Variants in KCNN2 observed in about 807,000 individuals in gnomAD.
KCNN2 encodes the protein small conductance calcium-activated potassium channel protein 2.
Under a neutral mutation model 55.5 loss-of-function variants are expected in KCNN2, and 24 were observed. That is an observed-to-expected ratio of 0.43 (90% CI 0.31 to 0.61). KCNN2 has a LOEUF of 0.61. KCNN2 is among the 20% of genes least tolerant of loss of function. KCNN2 has a pLI of 0.08. For missense variants in KCNN2, 754 were observed against 853.6 expected (o/e 0.88, Z 1.45); for synonymous variants, 431 against 336.1 (o/e 1.28, Z -3.09).
At chr5:114,157,890 A>G (rs1752673308) in intron 1 of KCNN2, among the ~76,000 whole-genome samples, 1 of 149,694 alleles carries the variant, frequency 6.7e-6, no homozygotes, top group Non-Finnish European at 1.5e-5. Context: ...TTCATTGTAG[A>G]TTCTGGATAT....
At chr5:114,219,556 T>C (rs575723105) in intron 1 of KCNN2, among the ~76,000 whole-genome samples, 1 of 152,220 alleles carries the variant, frequency 6.6e-6, no homozygotes, top group African/African-American at 2.4e-5. Context: ...TCAGGTTGCT[T>C]CTCTCCAATG....
upstream of KCNN2, among the ~76,000 whole-genome samples, chr5:114,357,274 T>A (rs1561583426): frequency 6.6e-6 from 1 of 151,612 alleles, no homozygotes; most frequent in Non-Finnish European, 1.5e-5. Flanking sequence ...AAATAAGGGA[T>A]TGGAGTGCAA....
At chr5:114,443,084 A>T (rs1335974254) in intron 3 of KCNN2, among the ~76,000 whole-genome samples, 13 of 152,088 alleles carry the variant, frequency 8.5e-5, no homozygotes, top group Non-Finnish European at 1.6e-4. Context: ...CGAGGTCAGG[A>T]GTTTGAGACC....
chr5:114,240,330 A>G (rs1238532468), intron 2 of KCNN2, among the ~76,000 whole-genome samples: 3 of 151,966 alleles, frequency 2.0e-5, no homozygotes, highest in Non-Finnish European at 2.9e-5. Flanking sequence ...TAAAATAAGA[A>G]TAGATGGAAA....
intron 3 of KCNN2, among the ~76,000 whole-genome samples, chr5:114,427,927 C>T (rs776691307): frequency 6.6e-6 from 1 of 152,154 alleles, no homozygotes; most frequent in African/African-American, 2.4e-5. Flanking sequence ...CTTATATTTA[C>T]TGTGCTTCTA....
chr5:114,363,966 G>T lies in KCNN2; in HGVS notation c.1183G>T (p.Gly395Cys), dbSNP rs752708600. 5 of 1,613,960 alleles carry T rather than the reference G, an allele frequency of 3.1e-6. No individual in the cohort carries two copies. Among genetic ancestry groups the T allele is most frequent in the Admixed American group, 3.3e-5 (2 of 60,016 alleles). The stretch of plus-strand genomic sequence containing the variant: ...CAGTCTCTCCACGATCATCCTGCTC[G>T]GTCTGATCATCGTGTACCACGCCAG... ...LISLSTIILLGLIIVYHAREI... is the reference protein window; with the variant it reads ...LISLSTIILLCLIIVYHAREI... The change falls in exon 2 of 8, where the codon GGT becomes TGT. Residue 395 changes from glycine (G) to cysteine (C), a missense_variant. Physicochemically the swap from Gly to Cys is radical, Grantham distance 159. Around this residue, in one of 4 missense-constraint regions of KCNN2, gnomAD observed 123 missense variants for 204.9 expected, o/e 0.60. Transcript: ENST00000673685.
chr5:114,240,190 C>T (rs562220003), intron 2 of KCNN2, among the ~76,000 whole-genome samples: 111 of 152,004 alleles, frequency 7.3e-4, no homozygotes, highest in Admixed American at 1.0e-3. Flanking sequence ...ACTCAGTTTA[C>T]ATGGTTTAAC....
At chr5:114,253,495 A>T (rs1754919968) in intron 2 of KCNN2, 1 of 152,388 alleles carries the variant, frequency 6.6e-6, no homozygotes, top group Admixed American at 6.5e-5. Context: ...TGGAAATGAT[A>T]CTTTAAGGGA....
chr5:114,111,250 A>G (rs1383121302), intron 1 of KCNN2, among the ~76,000 whole-genome samples: 1 of 152,192 alleles, frequency 6.6e-6, no homozygotes, highest in Non-Finnish European at 1.5e-5. Flanking sequence ...TCTTTAATAA[A>G]TGGTGCTGGA....
At chr5:114,277,781 A>T (rs1755522190) in intron 2 of KCNN2, among the ~76,000 whole-genome samples, 3 of 152,122 alleles carry the variant, frequency 2.0e-5, no homozygotes, top group Non-Finnish European at 4.4e-5. Flanking sequence ...ATGGGTTAGA[A>T]CATGCTCCTT....
Position 114,402,402 on chromosome 5 carries a change from G to C in KCNN2, c.1219-2036G>C, listed in dbSNP as rs139945285. ...CTAGAGTAGGCATGGAGCCAGCCCTGGTTCTCTTTGTTTGGGTGTTTTGTT... is the reference window on the plus strand; with the variant it reads ...CTAGAGTAGGCATGGAGCCAGCCCTCGTTCTCTTTGTTTGGGTGTTTTGTT... On this transcript the variant is annotated intron_variant, in intron 2 of 7. Transcript: ENST00000673685. Among the ~76,000 whole-genome samples the C allele has an allele frequency of 6.5e-4, 99 of 152,238 alleles. 2 individuals carry two copies. The East Asian group carries it at 0.018, about 28-fold the overall frequency.
intron 1 of KCNN2, among the ~76,000 whole-genome samples, chr5:114,069,275 G>A (rs1409388875): frequency 6.6e-6 from 1 of 152,080 alleles, no homozygotes; most frequent in Non-Finnish European, 1.5e-5. Flanking sequence ...CTCCTTCCCT[G>A]CCTGACTTAG....
chr5:114,139,469 C>CCA (rs1554070918), intron 1 of KCNN2, among the ~76,000 whole-genome samples: 1 of 144,372 alleles, frequency 6.9e-6, no homozygotes, highest in Admixed American at 7.0e-5. Flanking sequence ...ACCCCCCCCA[C>CCA]ACACACACAC....
chr5:114,463,007 G>C (rs1268700197), intron 3 of KCNN2, 42 bp from the exon 4 acceptor site: 1 of 1,586,118 alleles, frequency 6.3e-7, no homozygotes, highest in East Asian at 2.2e-5. Flanking sequence ...TATCATATTG[G>C]AGATTAATTA....
intron 2 of KCNN2, among the ~76,000 whole-genome samples, chr5:114,401,395 C>G (rs568491964): frequency 3.3e-4 from 50 of 152,076 alleles, no homozygotes; most frequent in Non-Finnish European, 5.0e-4. Flanking sequence ...CTTCGGTATT[C>G]TCAGCTTCCA....
At chr5:114,271,127 CTGCTGATTGGTCCGTTTTACAGAG>C (rs924060141) in intron 2 of KCNN2, among the ~76,000 whole-genome samples, 2 of 152,142 alleles carry the variant, frequency 1.3e-5, no homozygotes, top group Admixed American at 6.5e-5. Context: ...TGCCCATATC[CTGCTGATTGGTCCGTTTTACAGAG>C]TGCTGATTGG....
intron 1 of KCNN2, among the ~76,000 whole-genome samples, chr5:114,118,201 C>T (rs1424006230): frequency 1.2e-4 from 19 of 152,142 alleles, no homozygotes; most frequent in Admixed American, 1.2e-3. Context: ...CCAGGAGCTG[C>T]GGTGCTCTAT....
At chr5:114,160,734 A>C (rs1752755765) in intron 1 of KCNN2, among the ~76,000 whole-genome samples, 1 of 152,162 alleles carries the variant, frequency 6.6e-6, no homozygotes, top group African/African-American at 2.4e-5. Flanking sequence ...CTTCTTGCTG[A>C]ATTGATCCCT....
intron 2 of KCNN2, among the ~76,000 whole-genome samples, chr5:114,286,755 T>A (rs763997363): frequency 6.6e-6 from 1 of 151,866 alleles, no homozygotes; most frequent in Non-Finnish European, 1.5e-5. Context: ...GAGAGAAAAA[T>A]GAGTGTTTAG....
Sources: gnomAD v4.1 joint callset for allele counts (sites outside exome capture counted in the v4.1 genomes callset) on GRCh38, gnomAD v4.1.1 for gene constraint, gnomAD v4.1.1 regional missense constraint, MANE v1.5 for transcripts, NCBI Gene and HGNC (gene_info 2026-07-23, HGNC 2026-07-21) for gene names.